The following HS3ST4 variants were observed in gnomAD, a reference collection of about 807,000 sequenced individuals.
HS3ST4 encodes the protein heparan sulfate-glucosamine 3-sulfotransferase 4.
Under a neutral mutation model 29.2 loss-of-function variants are expected in HS3ST4, and 17 were observed. The ratio of observed to expected loss-of-function variants is 0.58; its 90% CI spans 0.40 to 0.87. The LOEUF (loss-of-function observed/expected upper bound fraction) is 0.87. Among genes scored for constraint, HS3ST4 ranks in the 40% least tolerant of loss-of-function variants. The probability of loss-of-function intolerance (pLI) is 0.00; values close to 1 mark genes in which losing one functional copy is unlikely to be tolerated. For synonymous variants in HS3ST4, 314 were observed against 285.7 expected, an observed-to-expected ratio of 1.10 and a Z score of -1.00; for missense variants, 627 against 634.5, an observed-to-expected ratio of 0.99 and a Z score of 0.13.
intron 1 of HS3ST4, among the ~76,000 whole-genome samples, chr16:25,791,656 A>G (rs1431900137): frequency 6.6e-6 from 1 of 152,094 alleles, no homozygotes; most frequent in Admixed American, 6.5e-5. Context: ...TAAGTATTTG[A>G]TGATATTGCA....
intron 1 of HS3ST4, among the ~76,000 whole-genome samples, chr16:26,049,162 CAT>C (rs1271036480): frequency 6.6e-6 from 1 of 151,798 alleles, no homozygotes; most frequent in Non-Finnish European, 1.5e-5. Context: ...TAAAGGTAGT[CAT>C]GTGTTTAAAA....
At chr16:25,730,112 A>G (rs1966560985) in intron 1 of HS3ST4, among the ~76,000 whole-genome samples, 1 of 152,166 alleles carries the variant, frequency 6.6e-6, no homozygotes, top group South Asian at 2.1e-4. Context: ...TGTACTGGGG[A>G]AATGGTTAGA....
At chr16:26,039,940 C>T (rs2141758040) in intron 1 of HS3ST4, among the ~76,000 whole-genome samples, 1 of 152,156 alleles carries the variant, frequency 6.6e-6, no homozygotes, top group East Asian at 1.9e-4. Context: ...AACAATGCCT[C>T]AGTGAATGTT....
intron 1 of HS3ST4, among the ~76,000 whole-genome samples, chr16:25,700,668 A>G (rs1176763067): frequency 6.6e-6 from 1 of 152,158 alleles, no homozygotes; most frequent in African/African-American, 2.4e-5. Flanking sequence ...TCTGGAATGG[A>G]TTGAACCACC....
At chr16:25,758,979 C>CA (rs35194185) in intron 1 of HS3ST4, among the ~76,000 whole-genome samples, 1,862 of 113,214 alleles carry the variant, frequency 0.016, 37 homozygotes, top group African/African-American at 0.044. Flanking sequence ...AACAAAAAAA[C>CA]AAAAAAAAAC....
intron 1 of HS3ST4, among the ~76,000 whole-genome samples, chr16:26,063,830 G>T (rs903332009): frequency 2.0e-5 from 3 of 152,120 alleles, no homozygotes; most frequent in East Asian, 3.9e-4. Flanking sequence ...TGCATGGGCC[G>T]GGGACACAGA....
chr16:26,112,997 A>G (rs1899151864), intron 1 of HS3ST4, among the ~76,000 whole-genome samples: 1 of 152,234 alleles, frequency 6.6e-6, no homozygotes, highest in Admixed American at 6.5e-5. Flanking sequence ...ATACAAAAAT[A>G]TACATAGCAG....
intron 1 of HS3ST4, among the ~76,000 whole-genome samples, chr16:25,927,239 A>T (rs1348483649): frequency 6.6e-6 from 1 of 152,200 alleles, no homozygotes; most frequent in African/African-American, 2.4e-5. Flanking sequence ...TTGGGGAAAA[A>T]AATTGCCAGA....
At chr16:26,037,380 A>G (rs963745057) in intron 1 of HS3ST4, among the ~76,000 whole-genome samples, 5 of 152,164 alleles carry the variant, frequency 3.3e-5, no homozygotes, top group African/African-American at 1.2e-4. Flanking sequence ...ATTGTGTGCC[A>G]ATGTTTAAGG....
intron 1 of HS3ST4, among the ~76,000 whole-genome samples, chr16:25,835,601 C>A (rs1967348844): frequency 1.3e-5 from 2 of 152,114 alleles, no homozygotes; most frequent in Non-Finnish European, 2.9e-5. Context: ...TTACAGTAAT[C>A]CCATTTGACA....
At chr16:25,991,459 C>T (rs1202590738) in intron 1 of HS3ST4, among the ~76,000 whole-genome samples, 1 of 152,142 alleles carries the variant, frequency 6.6e-6, no homozygotes, top group Non-Finnish European at 1.5e-5. Flanking sequence ...GACAGAGTAC[C>T]ATTAACCCCT....
At chr16:25,835,996 C>G (rs919461957) in intron 1 of HS3ST4, among the ~76,000 whole-genome samples, 1 of 152,096 alleles carries the variant, frequency 6.6e-6, no homozygotes, top group African/African-American at 2.4e-5. Flanking sequence ...TTCCGGAGGG[C>G]TGGGTGGCGG....
intron 1 of HS3ST4, among the ~76,000 whole-genome samples, chr16:25,947,976 C>T (rs982613446): frequency 1.3e-5 from 2 of 152,030 alleles, no homozygotes; most frequent in Non-Finnish European, 2.9e-5. Flanking sequence ...TTAAGTGCTT[C>T]GAGAAGTGCC....
At chr16:25,828,281 T>TC (rs1967249062) in intron 1 of HS3ST4, among the ~76,000 whole-genome samples, 1 of 95,514 alleles carries the variant, frequency 1.0e-5, no homozygotes, top group African/African-American at 4.5e-5. Flanking sequence ...TCTTTCTTTC[T>TC]TTCTTTCTTT....
intron 1 of HS3ST4, among the ~76,000 whole-genome samples, chr16:25,989,136 A>T (rs971999104): frequency 6.6e-6 from 1 of 152,176 alleles, no homozygotes; most frequent in African/African-American, 2.4e-5. Flanking sequence ...GGCTTATTTG[A>T]ATCTGGCTTG....
At chr16:25,829,967 G>T (rs1967276548) in intron 1 of HS3ST4, among the ~76,000 whole-genome samples, 1 of 152,076 alleles carries the variant, frequency 6.6e-6, no homozygotes, top group African/African-American at 2.4e-5. Flanking sequence ...GGGGCTACAG[G>T]CACACACCAC....
intron 1 of HS3ST4, among the ~76,000 whole-genome samples, chr16:25,905,717 C>G (rs1293610278): frequency 6.6e-6 from 1 of 152,130 alleles, no homozygotes; most frequent in Non-Finnish European, 1.5e-5. Context: ...CTAGACTTTC[C>G]TTTTTGAGAA....
intron 1 of HS3ST4, among the ~76,000 whole-genome samples, chr16:26,083,850 TG>T (rs574503715): frequency 4.7e-4 from 71 of 152,332 alleles, no homozygotes; most frequent in Non-Finnish European, 9.7e-4. Flanking sequence ...CTACTTTATT[TG>T]GACTGTGAAG....
intron 1 of HS3ST4, among the ~76,000 whole-genome samples, chr16:25,994,261 G>A (rs918706108): frequency 3.3e-5 from 5 of 151,668 alleles, no homozygotes; most frequent in African/African-American, 7.3e-5. Context: ...TTTATAATAC[G>A]TTTTTCTTTT....
Sources: allele counts gnomAD v4.1 joint callset (sites outside exome capture counted in the v4.1 genomes callset), GRCh38; gene constraint gnomAD v4.1.1; transcripts MANE v1.5; gene names NCBI Gene and HGNC (gene_info 2026-07-23, HGNC 2026-07-21).